The following DTL variants were observed in gnomAD, a reference collection of about 807,000 sequenced individuals.
DTL encodes denticleless protein homolog.
DTL carries 46 observed loss-of-function variants against 87.0 expected under a neutral mutation model. The observed-to-expected ratio is 0.53, with a 90% CI of 0.42 to 0.68. The LOEUF is 0.68. DTL is among the 30% of genes least tolerant of loss of function. The probability of loss-of-function intolerance (pLI) is 0.00; values close to 1 mark genes in which losing one functional copy is unlikely to be tolerated. For missense variants in DTL, 737 were observed against 869.4 expected, an observed-to-expected ratio of 0.85 and a Z score of 1.91; for synonymous variants, 308 against 311.2, an observed-to-expected ratio of 0.99 and a Z score of 0.11.
intron 14 of DTL, 43 bp downstream of exon 14, chr1:212,101,127 G>A (rs763718720): frequency 2.1e-6 from 3 of 1,404,302 alleles, no homozygotes; most frequent in Non-Finnish European, 2.9e-6. Flanking sequence ...TAACTTAAAA[G>A]GGGCCAGACA....
At chr1:212,068,037 A>G (rs1248285101) in intron 8 of DTL, among the ~76,000 whole-genome samples, 187 bp from the exon 9 acceptor site, 1 of 152,192 alleles carries the variant, frequency 6.6e-6, no homozygotes, top group Non-Finnish European at 1.5e-5. Flanking sequence ...GTTCTGTCAG[A>G]ATTATAAGCC....
At chr1:212,077,330 G>A (rs1287666961) in intron 11 of DTL, among the ~76,000 whole-genome samples, 2 of 152,100 alleles carry the variant, frequency 1.3e-5, no homozygotes, top group Non-Finnish European at 2.9e-5. Context: ...GTACATAACT[G>A]GTGGCATCTG....
At chr1:212,060,814 CAT>C (rs1286761485) in intron 5 of DTL, among the ~76,000 whole-genome samples, 11 of 149,240 alleles carry the variant, frequency 7.4e-5, no homozygotes, top group Non-Finnish European at 1.5e-4. Context: ...TAGAAGAAAA[CAT>C]AGGGAAAACA....
chr1:212,036,335 G>T (rs913858173), intron 1 of DTL, among the ~76,000 whole-genome samples: 1 of 152,162 alleles, frequency 6.6e-6, no homozygotes, highest in African/African-American at 2.4e-5. Context: ...ATCTTAGTGA[G>T]CCCAGCTATG....
At chr1:212,079,921 A>G (rs750801826) in intron 12 of DTL, among the ~76,000 whole-genome samples, 1 of 152,194 alleles carries the variant, frequency 6.6e-6, no homozygotes, top group South Asian at 2.1e-4. Context: ...ATGCTGGGGA[A>G]CAGCTCTGGT....
intron 1 of DTL, among the ~76,000 whole-genome samples, chr1:212,037,806 A>G (rs759690559): frequency 1.6e-4 from 25 of 152,200 alleles, no homozygotes; most frequent in Non-Finnish European, 3.5e-4. Flanking sequence ...TGAAAATTGG[A>G]AGGAGCACCT....
At chr1:212,074,158 A>G (rs985799119) in intron 11 of DTL, among the ~76,000 whole-genome samples, 1 of 151,678 alleles carries the variant, frequency 6.6e-6, no homozygotes, top group Admixed American at 6.6e-5. Flanking sequence ...TTATATGTAC[A>G]TAATTATGTA....
At chr1:212,041,997 T>C (rs1307363005) in intron 1 of DTL, among the ~76,000 whole-genome samples, 1 of 152,196 alleles carries the variant, frequency 6.6e-6, no homozygotes, top group Non-Finnish European at 1.5e-5. Context: ...CAGGCTAAGA[T>C]GTATTCTCCA....
At chr1:212,092,927 T>G (rs954785950) in intron 13 of DTL, among the ~76,000 whole-genome samples, 1 of 152,162 alleles carries the variant, frequency 6.6e-6, no homozygotes, top group African/African-American at 2.4e-5. Flanking sequence ...ACCCCAATGA[T>G]GGCCATTCTT....
chr1:212,097,501 G>C (rs1350666106), intron 13 of DTL, among the ~76,000 whole-genome samples: 1 of 151,724 alleles, frequency 6.6e-6, no homozygotes, highest in Admixed American at 6.6e-5. Context: ...CTACTTGTTT[G>C]GTTCTATTGT....
chr1:212,037,333 T>C (rs182395855), intron 1 of DTL, among the ~76,000 whole-genome samples: 1 of 152,360 alleles, frequency 6.6e-6, no homozygotes, highest in East Asian at 1.9e-4. Flanking sequence ...ATCTATAGAA[T>C]CATCTCCTTT....
Position 212,035,795 on chromosome 1 carries a change from C to A in DTL, c.-96C>A, listed in dbSNP as rs1558066456. On this transcript the variant is annotated 5_prime_UTR_variant, in exon 1 of 15. Transcript: ENST00000366991. ...CAGTGGCGGGAGTTGGAGGCGATAACGATTTGTGTTGTGAGAGGCGCAAGC... is the reference window on the plus strand; with the variant it reads ...CAGTGGCGGGAGTTGGAGGCGATAAAGATTTGTGTTGTGAGAGGCGCAAGC... The A allele has an allele frequency of 2.5e-6, 3 of 1,216,454 alleles. No homozygotes were observed. Among genetic ancestry groups the A allele is most frequent in the South Asian group, 1.3e-5 (1 of 77,706 alleles). The allele number at this position is 1,216,454 out of a possible 1,614,324, so 75.4% of individuals were successfully genotyped here.
At chr1:212,053,216 C>T (rs985945624) in intron 5 of DTL, among the ~76,000 whole-genome samples, 3 of 151,918 alleles carry the variant, frequency 2.0e-5, no homozygotes, top group Non-Finnish European at 4.4e-5. Context: ...GTTCTTAGGC[C>T]TATCCAGTGA....
intron 13 of DTL, among the ~76,000 whole-genome samples, chr1:212,097,575 G>GT (rs1655487541): frequency 6.6e-6 from 1 of 151,546 alleles, no homozygotes; most frequent in South Asian, 2.1e-4. Context: ...AGTCATGATT[G>GT]TTTTTTATTT....
chr1:212,091,915 ATT>A (rs1432578927), intron 13 of DTL, among the ~76,000 whole-genome samples: 1 of 152,218 alleles, frequency 6.6e-6, no homozygotes, highest in African/African-American at 2.4e-5. Flanking sequence ...ATAAAAATAA[ATT>A]TGCTTGAGAT....
chr1:212,066,145 A>G (rs1432657611), intron 7 of DTL, among the ~76,000 whole-genome samples: 1 of 152,078 alleles, frequency 6.6e-6, no homozygotes, highest in Non-Finnish European at 1.5e-5. Flanking sequence ...TCTCACTTTA[A>G]TGTAATTTTT....
rs6540718 is a variant in DTL at position 212,101,071 on chromosome 1, A to C, written c.2081A>C (p.Lys694Thr). ...AATTCCAGGAGACAGAGCGGAAAGA[A>C]ATTGCCAAGCCCGGTAAGTCAGCAG... ...TPNSRRQSGKKLPSPVTITPS... is the reference protein window; with the variant it reads ...TPNSRRQSGKTLPSPVTITPS... Residue 694 changes from lysine to threonine, a missense_variant, in exon 14 of 15, where the codon AAA becomes ACA. Coordinates refer to ENST00000366991, the MANE Select transcript of DTL (RefSeq NM_016448.4). The C allele has an allele frequency of 0.99, 1,586,161 of 1,605,956 alleles. 783,336 individuals carry two copies. Among genetic ancestry groups the C allele is most frequent in the East Asian group, 1 (44,815 of 44,816 alleles).
intron 5 of DTL, among the ~76,000 whole-genome samples, chr1:212,053,882 G>A (rs1668075838): frequency 6.6e-6 from 1 of 152,128 alleles, no homozygotes; most frequent in South Asian, 2.1e-4. Context: ...GGATTATCTT[G>A]GGATTGGCTT....
intron 13 of DTL, among the ~76,000 whole-genome samples, chr1:212,091,937 C>T (rs116745894): frequency 0.011 from 1,726 of 152,204 alleles, 31 homozygotes; most frequent in African/African-American, 0.039. Flanking sequence ...TAAAATATTA[C>T]GAAATAGTAT....
Sources: gnomAD v4.1 joint callset for allele counts (sites outside exome capture counted in the v4.1 genomes callset) on GRCh38, gnomAD v4.1.1 for gene constraint, MANE v1.5 for transcripts, NCBI Gene and HGNC (gene_info 2026-07-23, HGNC 2026-07-21) for gene names.